The following LOC112694756 variants were observed in gnomAD, a reference collection of about 807,000 sequenced individuals.
At chr16:30,065,799 T>G in the LOC112694756 span, 4 of 152,754 alleles carry the variant, frequency 2.6e-5, no homozygotes, top group Non-Finnish European at 5.9e-5. Flanking sequence ...CTAAATCGGC[T>G]GCGTTCCTCT....
chr16:30,067,075 AAGAG>A, the LOC112694756 span: 6 of 1,572,632 alleles, frequency 3.8e-6, no homozygotes, highest in Admixed American at 9.3e-5. Flanking sequence ...AGTTGGGCGT[AAGAG>A]AGAGCTGGGG....
At chr16:30,068,995 T>C in the LOC112694756 span, 26 of 1,614,196 alleles carry the variant, frequency 1.6e-5, no homozygotes, top group Middle Eastern at 6.6e-4. Flanking sequence ...CTGCAGGTCC[T>C]CAATAGGCAA....
chr16:30,067,281 C>T, the LOC112694756 span: 33 of 1,612,560 alleles, frequency 2.0e-5, no homozygotes, highest in East Asian at 6.5e-4. Context: ...CAGCACTGAC[C>T]CCGGAGCAGA....
chr16:30,062,530 CAAAA>C, the LOC112694756 span, among the ~76,000 whole-genome samples: 1 of 58,606 alleles, frequency 1.7e-5, no homozygotes. Context: ...GACTCCGTCT[CAAAA>C]AAAAAAAAAA....
chr16:30,059,833 G>A, the LOC112694756 span, among the ~76,000 whole-genome samples: 4 of 151,808 alleles, frequency 2.6e-5, no homozygotes, highest in Non-Finnish European at 4.4e-5. Context: ...AAAGTGCTGC[G>A]ATTACATACA....
the LOC112694756 span, chr16:30,069,542 A>G: frequency 6.2e-7 from 1 of 1,613,888 alleles, no homozygotes; most frequent in African/African-American, 1.3e-5. Flanking sequence ...CACCACATCT[A>G]CCTGGAAGGC....
At chr16:30,053,155 C>T in the LOC112694756 span, 1 of 152,536 alleles carries the variant, frequency 6.6e-6, no homozygotes, top group South Asian at 2.1e-4. Context: ...GGGGCCGGTC[C>T]CTCGGACGAT....
At chr16:30,067,446 C>A in the LOC112694756 span, 1 of 1,613,472 alleles carries the variant, frequency 6.2e-7, no homozygotes, top group Middle Eastern at 1.6e-4. Flanking sequence ...TGTGACACTC[C>A]CAGGGAGCAT....
the LOC112694756 span, among the ~76,000 whole-genome samples, chr16:30,066,421 G>T: frequency 6.6e-6 from 1 of 152,232 alleles, no homozygotes; most frequent in African/African-American, 2.4e-5. Flanking sequence ...CGGAACAGCT[G>T]CAGCCATGCG....
the LOC112694756 span, chr16:30,067,318 C>T: frequency 8.3e-5 from 134 of 1,613,434 alleles, 3 homozygotes; most frequent in South Asian, 1.1e-3. Context: ...CATCGCTCAC[C>T]GCATCGTGGC....
At chr16:30,059,241 T>C in the LOC112694756 span, among the ~76,000 whole-genome samples, 2 of 152,006 alleles carry the variant, frequency 1.3e-5, no homozygotes, top group Non-Finnish European at 2.9e-5. Context: ...CTCATGCCTG[T>C]AATCCCAGCA....
the LOC112694756 span, among the ~76,000 whole-genome samples, chr16:30,065,176 C>T: frequency 2.0e-5 from 3 of 152,226 alleles, no homozygotes; most frequent in African/African-American, 4.8e-5. Context: ...AGTTCCGCCG[C>T]CTTCTCGCGC....
the LOC112694756 span, among the ~76,000 whole-genome samples, chr16:30,059,879 C>A: frequency 1.3e-5 from 2 of 152,078 alleles, no homozygotes; most frequent in Non-Finnish European, 1.5e-5. Flanking sequence ...GAACAGCTCT[C>A]TTTCGTCCAG....
the LOC112694756 span, chr16:30,065,790 T>C: frequency 2.6e-5 from 4 of 152,706 alleles, no homozygotes; most frequent in Non-Finnish European, 4.4e-5. Flanking sequence ...CTTCCGAGGC[T>C]AAATCGGCTG....
At chr16:30,056,106 T>TG in the LOC112694756 span, among the ~76,000 whole-genome samples, 2 of 122,784 alleles carry the variant, frequency 1.6e-5, no homozygotes, top group African/African-American at 6.5e-5. Context: ...CCAGCCATGG[T>TG]TTTTTTTTTT....
At chr16:30,068,847 C>T in the LOC112694756 span, 1 of 1,614,216 alleles carries the variant, frequency 6.2e-7, no homozygotes, top group South Asian at 1.1e-5. Context: ...GCGCTGTGCC[C>T]AGTACAAGAA....
the LOC112694756 span, among the ~76,000 whole-genome samples, chr16:30,062,057 G>A: frequency 6.6e-6 from 1 of 151,566 alleles, no homozygotes; most frequent in African/African-American, 2.4e-5. Context: ...ACAAAAATTA[G>A]CTGGGTGTAG....
the LOC112694756 span, chr16:30,065,864 T>A: frequency 6.5e-6 from 1 of 153,120 alleles, no homozygotes; most frequent in Non-Finnish European, 1.5e-5. Context: ...TCTCCTTGAA[T>A]CCACTCGCCA....
chr16:30,067,476 A>G, the LOC112694756 span: 1 of 1,613,212 alleles, frequency 6.2e-7, no homozygotes, highest in Non-Finnish European at 8.5e-7. Context: ...GCTGCAGTCC[A>G]TTGGCACCGA....
Sources: allele counts gnomAD v4.1 joint callset (sites outside exome capture counted in the v4.1 genomes callset), GRCh38; gene constraint gnomAD v4.1.1; transcripts MANE v1.5.